The following CEP68 variants were observed in gnomAD, a reference collection of about 807,000 sequenced individuals.
The protein encoded by CEP68 is centrosomal protein of 68 kDa.
In CEP68, 26 loss-of-function variants were observed where a neutral mutation model predicts 55.3. The observed-to-expected ratio is 0.47, with a 90% CI of 0.34 to 0.65. The LOEUF (loss-of-function observed/expected upper bound fraction) is 0.65. CEP68 is among the 30% of genes least tolerant of loss of function. The pLI, the probability that CEP68 is intolerant of heterozygous loss-of-function variation, is 0.01. For synonymous variants in CEP68, 402 were observed against 383.2 expected (o/e 1.05, Z -0.57); for missense variants, 957 against 946.7 (o/e 1.01, Z -0.14).
chr2:65,073,167 T>C (rs1436840449), intron 3 of CEP68, 187 bp downstream of exon 3: 1 of 749,246 alleles, frequency 1.3e-6, no homozygotes, highest in Admixed American at 2.1e-5. Flanking sequence ...ATTTTACTTT[T>C]TGGAGGAAAG....
chr2:65,069,535 C>T lies in CEP68; in HGVS notation c.91C>T (p.Leu31=). The T allele has an allele frequency of 2.5e-6, 4 of 1,599,694 alleles. No homozygotes were observed. The highest frequency in any genetic ancestry group is 3.4e-6 in the Non-Finnish European group (4 of 1,171,190). ...GAGAGGGAGCTGCAGGGAGCGGGAGCTGGACATCCCAGGGCCCATGAGTGG... is the reference window on the plus strand; with the variant it reads ...GAGAGGGAGCTGCAGGGAGCGGGAGTTGGACATCCCAGGGCCCATGAGTGG... ...YGRGSCRERE[L]DIPGPMSGEQ... The change falls in exon 2 of 7, where the codon CTG becomes TTG. Residue 31 remains leucine (L), a synonymous_variant. Transcript: ENST00000377990.
chr2:65,079,885 G>A (rs1266743386), intron 5 of CEP68, among the ~76,000 whole-genome samples: 1 of 152,172 alleles, frequency 6.6e-6, no homozygotes, highest in Non-Finnish European at 1.5e-5. Context: ...TGTAATCCCA[G>A]CACTTTGGGA....
intron 1 of CEP68, among the ~76,000 whole-genome samples, chr2:65,065,650 A>G (rs1676127846): frequency 1.3e-5 from 2 of 152,250 alleles, no homozygotes; most frequent in Non-Finnish European, 2.9e-5. Context: ...TGAGCTGTAC[A>G]TACATTTATG....
At chr2:65,057,272 G>A (rs1375475319) in intron 1 of CEP68, among the ~76,000 whole-genome samples, 2 of 152,244 alleles carry the variant, frequency 1.3e-5, no homozygotes, top group African/African-American at 4.8e-5. Flanking sequence ...GGTAGCGTTT[G>A]TAAATAATCT....
intron 2 of CEP68, chr2:65,070,965 TAAA>T (rs1374473615): frequency 6.2e-6 from 1 of 160,044 alleles, no homozygotes; most frequent in Non-Finnish European, 1.4e-5. Context: ...ATCAAGCAGA[TAAA>T]AAATTCAGTG....
chr2:65,086,639 G>A lies in CEP68; in HGVS notation c.*3005G>A, dbSNP rs1350444797. On this transcript the variant is annotated 3_prime_UTR_variant, in exon 7 of 7. Transcript: ENST00000377990. The stretch of plus-strand genomic sequence containing the variant: ...AACTTTTACTGTGTAAAAATGAAGT[G>A]CACGGCATGGCATCACAGTATCTTG... The A allele has an allele frequency of 6.6e-6, 1 of 152,224 alleles. No homozygotes were observed. The highest frequency in any genetic ancestry group is 1.5e-5 in the Non-Finnish European group (1 of 68,026). The allele number at this position is 152,224 out of a possible 1,614,324, so 9.4% of individuals were successfully genotyped here. A position where few individuals can be genotyped will look rare whatever the true frequency, so the allele number is the denominator to read the frequency against.
At chr2:65,079,061 T>G (rs1452810880) in intron 5 of CEP68, among the ~76,000 whole-genome samples, 1 of 152,226 alleles carries the variant, frequency 6.6e-6, no homozygotes, top group East Asian at 1.9e-4. Flanking sequence ...CCTGCAAGAC[T>G]GTAAATCAAG....
chr2:65,066,714 G>C (rs1207310699), intron 1 of CEP68, among the ~76,000 whole-genome samples: 1 of 111,292 alleles, frequency 9.0e-6, no homozygotes, highest in Non-Finnish European at 1.7e-5. Flanking sequence ...AAGACAGAGT[G>C]AGACTCTGTC....
chr2:65,078,562 G>C (rs558653329), intron 5 of CEP68, among the ~76,000 whole-genome samples: 7 of 152,176 alleles, frequency 4.6e-5, no homozygotes, highest in Non-Finnish European at 8.8e-5. Flanking sequence ...TTTTGAGATG[G>C]AGTTTCGCTC....
At chr2:65,066,745 A>AAAAAAAATATAT (rs70943620) in intron 1 of CEP68, among the ~76,000 whole-genome samples, 10 of 58,408 alleles carry the variant, frequency 1.7e-4, no homozygotes, top group African/African-American at 7.1e-4. Context: ...AAAAAAAAAA[A>AAAAAAAATATAT]ATATATATAT....
intron 5 of CEP68, 31 bp downstream of exon 5, chr2:65,077,995 G>C (rs778575579): frequency 5.1e-5 from 79 of 1,537,526 alleles, no homozygotes; most frequent in Non-Finnish European, 6.7e-5. Flanking sequence ...GATTTAGCCA[G>C]AGCTTAATCC....
At chr2:65,056,650 G>T (rs1412636522) in intron 1 of CEP68, 122 bp downstream of exon 1, 2 of 152,054 alleles carry the variant, frequency 1.3e-5, no homozygotes, top group African/African-American at 4.8e-5. Context: ...GTGCCTGCGG[G>T]GCCCTTGCGG....
intron 2 of CEP68, 91 bp from the exon 3 acceptor site, chr2:65,071,363 A>T: frequency 9.1e-7 from 1 of 1,096,434 alleles, no homozygotes; most frequent in Non-Finnish European, 1.4e-6. Context: ...AATACTGTCT[A>T]GACCCACAAG....
chr2:65,072,397 G>A lies in CEP68; in HGVS notation c.1301G>A (p.Gly434Asp). 3.1e-6 allele frequency: 5 copies of A among 1,613,892 alleles called. No individual in the cohort carries two copies. The highest frequency in any genetic ancestry group is 4.2e-6 in the Non-Finnish European group (5 of 1,180,024). The change falls in exon 3 of 7, where the codon GGC becomes GAC. Residue 434 changes from glycine to aspartate, a missense_variant. Gly to Asp is a moderately conservative substitution (Grantham distance 94). Coordinates refer to ENST00000377990, the MANE Select transcript of CEP68 (RefSeq NM_015147.3). ...ACTATAGGCAAGCACCTTGATATGG[G>A]CTCTCCCCAGCTAAGGACACGGGAC... ...RLTIGKHLDM[G>D]SPQLRTRDRG...
intron 1 of CEP68, among the ~76,000 whole-genome samples, chr2:65,058,497 CTTTTTTTTTTTTT>C (rs34477880): frequency 1.3e-5 from 1 of 75,682 alleles, no homozygotes; most frequent in African/African-American, 5.8e-5. Context: ...GATTTTTTTC[CTTTTTTTTTTTTT>C]TTTTTTTTTT....
chr2:65,057,568 T>G (rs1464065639), intron 1 of CEP68, among the ~76,000 whole-genome samples: 1 of 152,240 alleles, frequency 6.6e-6, no homozygotes, highest in African/African-American at 2.4e-5. Context: ...GGCTACCTTC[T>G]GCAGCCTCTG....
At chr2:65,060,258 T>G (rs762677706) in intron 1 of CEP68, among the ~76,000 whole-genome samples, 1 of 152,204 alleles carries the variant, frequency 6.6e-6, no homozygotes, top group South Asian at 2.1e-4. Context: ...TGCCAGTACT[T>G]ATAAAGTGAA....
At chr2:65,060,909 G>T (rs1675881430) in intron 1 of CEP68, among the ~76,000 whole-genome samples, 1 of 152,168 alleles carries the variant, frequency 6.6e-6, no homozygotes. Context: ...GGGCGCAGTG[G>T]CTCACGCCTG....
intron 4 of CEP68, among the ~76,000 whole-genome samples, chr2:65,076,365 C>T (rs575371029): frequency 2.0e-5 from 3 of 152,260 alleles, no homozygotes; most frequent in South Asian, 2.1e-4. Flanking sequence ...CTAGGCTAGA[C>T]GGAAACAACC....
Sources: allele counts gnomAD v4.1 joint callset (sites outside exome capture counted in the v4.1 genomes callset), GRCh38; gene constraint gnomAD v4.1.1; transcripts MANE v1.5; gene names NCBI Gene and HGNC (gene_info 2026-07-23, HGNC 2026-07-21).